Variants in EXT1 observed in about 807,000 individuals in gnomAD.
The protein encoded by EXT1 is exostosin-1.
In EXT1, 20 loss-of-function variants were observed where a neutral mutation model predicts 82.5. The ratio of observed to expected loss-of-function variants is 0.24; its 90% CI spans 0.17 to 0.35. The LOEUF is 0.35. EXT1 is among the 10% of genes least tolerant of loss of function. EXT1 has a pLI of 1.00. For missense variants in EXT1, 757 were observed against 936.5 expected, an observed-to-expected ratio of 0.81 and a Z score of 2.50; for synonymous variants, 348 against 350.8, an observed-to-expected ratio of 0.99 and a Z score of 0.09.
In EXT1 at chr8:118,110,796, T is replaced by C. The variant is rs201918002; in HGVS notation, c.251A>G (p.Gln84Arg). 5.0e-6 allele frequency: 8 copies of C among 1,613,564 alleles called. No individual in the cohort carries two copies. The Admixed American group carries it at 1.0e-4, about 20-fold the overall frequency. The change falls in exon 1 of 11, where the codon CAG (glutamine) becomes CGG (arginine). Residue 84 changes from glutamine to arginine, a missense_variant. By Grantham distance (43) the Gln-to-Arg change is conservative. Around this residue, in one of 4 missense-constraint regions of EXT1, gnomAD observed 175 missense variants for 159.0 expected, o/e 1.10. Transcript: ENST00000378204. The stretch of plus-strand genomic sequence containing the variant: ...GATGCTGGAGTTGGCATCTCGCTTC[T>C]GCCGGGGGGAAATGTGCACGCTGGA... ...EDSSVHISPR[Q>R]KRDANSSIYK...
chr8:117,976,020 C>T (rs1233586663), intron 1 of EXT1, among the ~76,000 whole-genome samples: 2 of 152,190 alleles, frequency 1.3e-5, no homozygotes, highest in Admixed American at 1.3e-4. Context: ...AGGACTTTAA[C>T]AAGAAAACAT....
At chr8:117,940,610 C>A (rs1002505858) in intron 1 of EXT1, among the ~76,000 whole-genome samples, 1 of 152,110 alleles carries the variant, frequency 6.6e-6, no homozygotes, top group Admixed American at 6.5e-5. Flanking sequence ...AGCAGGAAGC[C>A]AGACATTAAG....
intron 1 of EXT1, among the ~76,000 whole-genome samples, chr8:118,107,016 AC>A (rs1489442341): frequency 2.6e-5 from 4 of 152,224 alleles, no homozygotes; most frequent in Non-Finnish European, 4.4e-5. Context: ...GCTTTTCTAT[AC>A]CTTTGTAATC....
At chr8:118,070,736 C>T (rs979361892) in intron 1 of EXT1, among the ~76,000 whole-genome samples, 3 of 152,048 alleles carry the variant, frequency 2.0e-5, no homozygotes, top group Non-Finnish European at 4.4e-5. Flanking sequence ...CAGACAGGAG[C>T]GGGAACCTTC....
intron 1 of EXT1, among the ~76,000 whole-genome samples, chr8:118,050,659 T>C (rs1441461788): frequency 6.6e-6 from 1 of 152,216 alleles, no homozygotes; most frequent in Admixed American, 6.5e-5. Flanking sequence ...CCAATAAAAC[T>C]TTATTTATGA....
At chr8:118,100,515 C>T (rs934533202) in intron 1 of EXT1, among the ~76,000 whole-genome samples, 7 of 152,114 alleles carry the variant, frequency 4.6e-5, no homozygotes, top group East Asian at 3.9e-4. Flanking sequence ...TTTGGGAGGC[C>T]GAGGCAGGTG....
At chr8:117,934,693 A>G (rs543901625) in intron 1 of EXT1, among the ~76,000 whole-genome samples, 1 of 152,346 alleles carries the variant, frequency 6.6e-6, no homozygotes, top group South Asian at 2.1e-4. Context: ...GGGTGCGCAA[A>G]GAACCCAGAA....
chr8:118,104,032 G>C (rs768750194), intron 1 of EXT1, among the ~76,000 whole-genome samples: 2 of 152,226 alleles, frequency 1.3e-5, no homozygotes, highest in African/African-American at 2.4e-5. Context: ...TTGTAGAAGA[G>C]AATGGACTTT....
In EXT1 at chr8:118,099,780, G is replaced by C. The variant is rs28365468; in HGVS notation, c.962+10305C>G. Among the ~76,000 whole-genome samples, 8 of 152,304 alleles carry C rather than the reference G, an allele frequency of 5.3e-5. No homozygotes were observed. The East Asian group carries it at 1.5e-3, about 29-fold the overall frequency. On this transcript the variant is annotated intron_variant, in intron 1 of 10. Transcript: ENST00000378204. The stretch of plus-strand genomic sequence containing the variant: ...AGGATGTGCTTAGATATGAGTTGCT[G>C]TTGCTGTTATCCTCACATAGGATGC...
intron 1 of EXT1, among the ~76,000 whole-genome samples, chr8:117,886,260 C>T (rs1813146784): frequency 6.6e-6 from 1 of 152,060 alleles, no homozygotes; most frequent in Non-Finnish European, 1.5e-5. Context: ...GAATTAAATC[C>T]TCTTTGATGT....
chr8:117,895,622 T>C (rs1337833022), intron 1 of EXT1, among the ~76,000 whole-genome samples: 1 of 152,162 alleles, frequency 6.6e-6, no homozygotes, highest in Non-Finnish European at 1.5e-5. Context: ...ATAATGCCAA[T>C]TACAGAAAAT....
At chr8:117,830,378 T>C in intron 3 of EXT1, 29 bp from the exon 4 acceptor site, 1 of 1,611,596 alleles carries the variant, frequency 6.2e-7, no homozygotes, top group Non-Finnish European at 8.5e-7. Context: ...ACATAGGAAT[T>C]ATAACTGTAA....
At chr8:118,042,710 A>T (rs1029495776) in intron 1 of EXT1, among the ~76,000 whole-genome samples, 2 of 152,088 alleles carry the variant, frequency 1.3e-5, no homozygotes, top group African/African-American at 4.8e-5. Context: ...CATTCAACTT[A>T]TATCTCCATT....
chr8:118,038,740 T>C (rs968726289), intron 1 of EXT1, among the ~76,000 whole-genome samples: 1 of 152,234 alleles, frequency 6.6e-6, no homozygotes, highest in Non-Finnish European at 1.5e-5. Context: ...GAAGTAATAC[T>C]GTCTCACTTT....
intron 1 of EXT1, among the ~76,000 whole-genome samples, chr8:118,076,911 TG>T (rs75766415): frequency 0.2 from 30,010 of 151,856 alleles, 3,287 homozygotes; most frequent in East Asian, 0.47. Context: ...TCTTTTTTGT[TG>T]TTTTTTTGAA....
chr8:118,025,493 T>A (rs1816187099), intron 1 of EXT1, among the ~76,000 whole-genome samples: 1 of 152,180 alleles, frequency 6.6e-6, no homozygotes, highest in Non-Finnish European at 1.5e-5. Flanking sequence ...GAAAGACAGC[T>A]GAAGGGAAAG....
chr8:118,008,026 C>A (rs1457620556), intron 1 of EXT1, among the ~76,000 whole-genome samples: 1 of 152,132 alleles, frequency 6.6e-6, no homozygotes, highest in African/African-American at 2.4e-5. Flanking sequence ...ACGACCAAAA[C>A]AAATTAACTA....
Position 117,880,136 on chromosome 8 carries a change from T to C in EXT1, c.963-42935A>G, listed in dbSNP as rs574385307. Among the ~76,000 whole-genome samples, 115 of 152,274 alleles carry C rather than the reference T, an allele frequency of 7.6e-4. 1 individual carries two copies. Among genetic ancestry groups the C allele is most frequent in the Non-Finnish European group, 1.4e-3 (96 of 68,032 alleles). On this transcript the variant is annotated intron_variant, in intron 1 of 10. Transcript: ENST00000378204. ...AATAAATACCATTCTACAAGCAAGT[T>C]TGGTCCCAGGCATGTATTCGGCCAT... is the stretch of plus-strand genomic sequence containing the variant.
intron 1 of EXT1, among the ~76,000 whole-genome samples, chr8:117,997,244 A>AATATATATATATATATATATATAT (rs1563624581): frequency 3.9e-5 from 5 of 128,770 alleles, no homozygotes; most frequent in African/African-American, 1.8e-4. Flanking sequence ...TAGTTGTCAT[A>AATATATATATATATATATATATAT]CTATATATAT....
Sources: allele counts gnomAD v4.1 joint callset (sites outside exome capture counted in the v4.1 genomes callset), GRCh38; gene constraint gnomAD v4.1.1; regional missense constraint gnomAD v4.1.1; transcripts MANE v1.5; gene names NCBI Gene and HGNC (gene_info 2026-07-23, HGNC 2026-07-21).